Variants in IL3 observed in about 807,000 individuals in gnomAD.
IL3 encodes the protein interleukin-3.
In IL3, 15 loss-of-function variants were observed where a neutral mutation model predicts 15.4. The observed-to-expected ratio is 0.97, with a 90% CI of 0.65 to 1.50. The LOEUF is 1.50. IL3 is among the 40% of genes most tolerant of loss of function. The pLI is 0.00. For synonymous variants in IL3, 74 were observed against 79.3 expected (o/e 0.93, Z 0.36); for missense variants, 162 against 192.2 (o/e 0.84, Z 0.93).
At chr5:132,062,493 T>G (rs1293685330) in intron 3 of IL3, 33 bp from the exon 4 acceptor site, 3 of 1,614,002 alleles carry the variant, frequency 1.9e-6, no homozygotes, top group Non-Finnish European at 2.5e-6. Context: ...TCCAAGGGAA[T>G]CTCTGACCAT....
In IL3 at chr5:132,062,948, T is replaced by A; in HGVS notation, c.*157T>A. 7.7e-6 allele frequency: 8 copies of A among 1,034,128 alleles called. No individual in the cohort carries two copies. The highest frequency in any genetic ancestry group is 1.1e-5 in the Non-Finnish European group (8 of 735,120). 64.1% of individuals were successfully genotyped at this position (1,034,128 alleles called of 1,614,324 possible). ...GGCATCAGATGAATTGTTAATTATCTAATTTCTGAAATGTGCAGCTCCCAT... is the reference window on the plus strand; with the variant it reads ...GGCATCAGATGAATTGTTAATTATCAAATTTCTGAAATGTGCAGCTCCCAT... On this transcript the variant is annotated 3_prime_UTR_variant, in exon 5 of 5. Transcript: ENST00000296870.
chr5:132,063,032 G>A lies in IL3; in HGVS notation c.*241G>A, dbSNP rs1756509810. On this transcript the variant is annotated 3_prime_UTR_variant, in exon 5 of 5. Transcript: ENST00000296870. ...CCATTGAGACTATTTATTTATGTAT[G>A]TATGTATTTATTTATTTATTGCCTG... is the stretch of plus-strand genomic sequence containing the variant. 2 of 467,508 alleles carry A rather than the reference G, an allele frequency of 4.3e-6. No individual in the cohort carries two copies. The highest frequency in any genetic ancestry group is 3.8e-6 in the Non-Finnish European group (1 of 266,280). 29.0% of individuals were successfully genotyped at this position (467,508 alleles called of 1,614,324 possible). A position where few individuals can be genotyped will look rare whatever the true frequency, so the allele number is the denominator to read the frequency against.
chr5:132,062,387 G>A lies in IL3; in HGVS notation c.280G>A (p.Glu94Lys). The change falls in exon 3 of 5, where the codon GAG becomes AAG. Residue 94 changes from glutamate to lysine, a missense_variant. By Grantham distance (56) the Glu-to-Lys change is moderately conservative. Coordinates refer to ENST00000296870, the MANE Select transcript of IL3 (RefSeq NM_000588.4). Reference protein sequence around the residue: ...VKSLQNASAIESILKNLLPCL... With the variant: ...VKSLQNASAIKSILKNLLPCL... ...GAGTTTACAGAACGCATCAGCAATT[G>A]AGAGCATTCTTAAAGTATGTGAAGC... 12 of 1,614,062 alleles carry A rather than the reference G, an allele frequency of 7.4e-6. No individual in the cohort carries two copies. The highest frequency in any genetic ancestry group is 1.0e-5 in the Non-Finnish European group (12 of 1,179,862).
chr5:132,061,306 G>C (rs1262271156), intron 2 of IL3, among the ~76,000 whole-genome samples: 3 of 152,216 alleles, frequency 2.0e-5, no homozygotes, highest in African/African-American at 7.2e-5. Flanking sequence ...GTCAGTGTTT[G>C]GTAGGGCAGA....
Position 132,062,700 on chromosome 5 carries a change from G to A in IL3, c.368G>A (p.Trp123Ter). 2 of 1,614,170 alleles carry A rather than the reference G, an allele frequency of 1.2e-6. No homozygotes were observed. The highest frequency in any genetic ancestry group is 1.7e-6 in the Non-Finnish European group (2 of 1,180,034). Residue 123 changes from tryptophan to a stop codon, truncating the protein, a stop_gained, in exon 5 of 5, where the codon TGG becomes TAG. Coordinates refer to ENST00000296870, the MANE Select transcript of IL3 (RefSeq NM_000588.4). LOFTEE classifies it low-confidence loss of function (END_TRUNC). ...RHPIHIKDGDWNEFRRKLTFY... is the reference protein window; with the variant it reads ...RHPIHIKDGD Reference sequence around the variant, plus strand: ...CCAATCCATATCAAGGACGGTGACTGGAATGAATTCCGGAGGAAACTGACG... The same window carrying A: ...CCAATCCATATCAAGGACGGTGACTAGAATGAATTCCGGAGGAAACTGACG...
intron 2 of IL3, 98 bp downstream of exon 2, chr5:132,061,106 A>G: frequency 9.8e-7 from 1 of 1,022,202 alleles, no homozygotes; most frequent in Non-Finnish European, 1.5e-6. Context: ...CATCTGTAAA[A>G]TAGGGTTAAT....
rs1561832809 is a variant in IL3, at chr5:132,062,338, G to A, written c.231G>A (p.Leu77=). 6.2e-7 allele frequency: 1 copy of A among 1,614,128 alleles called. No individual in the cohort carries two copies. The highest frequency in any genetic ancestry group is 8.5e-7 in the Non-Finnish European group (1 of 1,179,926). Residue 77 remains leucine (L), a synonymous_variant, in exon 3 of 5, where the codon CTG becomes CTA. Coordinates refer to ENST00000296870, the MANE Select transcript of IL3 (RefSeq NM_000588.4). ...AAAATAACCTTCGAAGGCCAAACCT[G>A]GAGGCATTCAACAGGGCTGTCAAGA... is the stretch of plus-strand genomic sequence containing the variant. The part of the protein sequence containing the change: ...LMENNLRRPN[L]EAFNRAVKSL...
At position 132,062,298 on chromosome 5, in the gene IL3, C is replaced by A; in HGVS notation, c.205-14C>A. Reference sequence around the variant, plus strand: ...GTAACCTTTCCCCCTTAAGTGTATTCTCTGCCCCGTTAGGAAAATAACCTT... The same window carrying A: ...GTAACCTTTCCCCCTTAAGTGTATTATCTGCCCCGTTAGGAAAATAACCTT... On this transcript the variant is annotated splice_polypyrimidine_tract_variant and intron_variant, in intron 2 of 4. Transcript: ENST00000296870. 1 of 1,601,342 alleles carries A rather than the reference C, an allele frequency of 6.2e-7. No individual in the cohort carries two copies. Among genetic ancestry groups the A allele is most frequent in the African/African-American group, 1.3e-5 (1 of 74,808 alleles).
At chr5:132,061,338 T>C (rs938164686) in intron 2 of IL3, among the ~76,000 whole-genome samples, 8 of 152,240 alleles carry the variant, frequency 5.3e-5, no homozygotes, top group African/African-American at 1.9e-4. Context: ...CAGACAGAAA[T>C]TTCCCCCTCA....
intron 2 of IL3, among the ~76,000 whole-genome samples, chr5:132,061,677 G>A (rs2127006341): frequency 6.6e-6 from 1 of 151,996 alleles, no homozygotes; most frequent in Non-Finnish European, 1.5e-5. Flanking sequence ...TACTTCCCTT[G>A]GAAAACCCCC....
chr5:132,062,789 T>C lies in IL3; in HGVS notation c.457T>C (p.Ter153ArgextTer53), dbSNP rs371316223. 8 of 1,612,990 alleles carry C rather than the reference T, an allele frequency of 5.0e-6. No individual in the cohort carries two copies. Among genetic ancestry groups the C allele is most frequent in the Non-Finnish European group, 6.8e-6 (8 of 1,179,154 alleles). Residue 153 changes from the stop codon to arginine, a stop_lost, in exon 5 of 5, where the codon TGA becomes CGA. Transcript: ENST00000296870. ...QQTTLSLAIF* is the reference protein window; with the variant it reads ...QQTTLSLAIFR Reference sequence around the variant, plus strand: ...GACGACTTTGAGCCTCGCGATCTTTTGAGTCCAACGTCCAGCTCGTTCTCT... The same window carrying C: ...GACGACTTTGAGCCTCGCGATCTTTCGAGTCCAACGTCCAGCTCGTTCTCT...
chr5:132,063,043 T>C lies in IL3; in HGVS notation c.*252T>C. On this transcript the variant is annotated 3_prime_UTR_variant, in exon 5 of 5. Transcript: ENST00000296870. ...ATTTATTTATGTATGTATGTATTTA[T>C]TTATTTATTGCCTGGAGTGTGAACT... The C allele has an allele frequency of 2.3e-6, 1 of 428,172 alleles. No individual in the cohort carries two copies. Among genetic ancestry groups the C allele is most frequent in the Non-Finnish European group, 4.1e-6 (1 of 241,808 alleles). The allele number at this position is 428,172 out of a possible 1,614,324, so 26.5% of individuals were successfully genotyped here.
At chr5:132,062,222 G>T in intron 2 of IL3, 90 bp from the exon 3 acceptor site, 1 of 1,054,222 alleles carries the variant, frequency 9.5e-7, no homozygotes, top group South Asian at 1.3e-5. Flanking sequence ...CCAACAGTGG[G>T]CTTGGGAAAC....
At chr5:132,061,101 G>A (rs1002829898) in intron 2 of IL3, 93 bp downstream of exon 2, 8 of 1,122,336 alleles carry the variant, frequency 7.1e-6, no homozygotes, top group Non-Finnish European at 1.1e-5. Context: ...TTCTTCATCT[G>A]TAAAATAGGG....
In IL3 at chr5:132,060,993, C is replaced by T. The variant is rs55698209; in HGVS notation, c.189C>T (p.Asp63=). The T allele has an allele frequency of 1.2e-3, 1,930 of 1,614,178 alleles. 21 individuals are homozygous for T. The African/African-American group carries it at 0.022, about 18-fold the overall frequency. ...LLDFNNLNGE[D]QDILMENNLR... Reference sequence around the variant, plus strand: ...ACTTCAACAACCTCAATGGGGAAGACCAAGACATTCTGATGGTAAGAGCTC... The same window carrying T: ...ACTTCAACAACCTCAATGGGGAAGATCAAGACATTCTGATGGTAAGAGCTC... The change falls in exon 2 of 5, where the codon GAC becomes GAT. Residue 63 remains aspartate (D), a synonymous_variant. Coordinates refer to ENST00000296870, the MANE Select transcript of IL3 (RefSeq NM_000588.4).
intron 2 of IL3, 126 bp from the exon 3 acceptor site, chr5:132,062,186 G>T: frequency 1.3e-6 from 1 of 794,228 alleles, no homozygotes. Flanking sequence ...GCAAGAACGG[G>T]ACTAGGAGGG....
intron 2 of IL3, 39 bp from the exon 3 acceptor site, chr5:132,062,273 G>A (rs1052384420): frequency 2.0e-6 from 3 of 1,503,304 alleles, no homozygotes; most frequent in African/African-American, 1.4e-5. Flanking sequence ...GGGATACTCT[G>A]TAACCTTTCC....
rs13166954 is a variant in IL3, at chr5:132,061,016, C to T, written c.204+8C>T. On this transcript the variant is annotated splice_region_variant and intron_variant, in intron 2 of 4. Transcript: ENST00000296870. ...GACCAAGACATTCTGATGGTAAGAG[C>T]TCAGCCCGTGGATCCCGATCCACTT... The T allele has an allele frequency of 1.1e-4, 185 of 1,613,712 alleles. 1 individual carries two copies. Among genetic ancestry groups the T allele is most frequent in the Non-Finnish European group, 1.5e-4 (179 of 1,179,734 alleles).
rs771932604 is a variant in IL3, at chr5:132,060,874, T to C, written c.162+6T>C. The C allele has an allele frequency of 8.7e-6, 14 of 1,613,032 alleles. No homozygotes were observed. The highest frequency in any genetic ancestry group is 1.2e-5 in the Non-Finnish European group (14 of 1,179,096). ...AGCCACCTTTGCCTTTGCTGGTGAGTAGCTTGGATAAGACTGGCCTGCAGC... is the reference window on the plus strand; with the variant it reads ...AGCCACCTTTGCCTTTGCTGGTGAGCAGCTTGGATAAGACTGGCCTGCAGC... On this transcript the variant is annotated splice_donor_region_variant and intron_variant, in intron 1 of 4. Transcript: ENST00000296870.
Sources: allele counts gnomAD v4.1 joint callset (sites outside exome capture counted in the v4.1 genomes callset), GRCh38; gene constraint gnomAD v4.1.1; transcripts MANE v1.5; gene names NCBI Gene and HGNC (gene_info 2026-07-23, HGNC 2026-07-21).